The following EXOC2 variants were observed in gnomAD, a reference collection of about 807,000 sequenced individuals.
EXOC2 encodes the protein exocyst complex component 2.
Under a neutral mutation model 131.8 loss-of-function variants are expected in EXOC2, and 70 were observed. That is an observed-to-expected ratio of 0.53 (90% CI 0.44 to 0.65). The LOEUF is 0.65. Ranked by LOEUF, EXOC2 falls within the 30% of genes least tolerant of loss-of-function variation. EXOC2 has a pLI of 0.00. For missense variants in EXOC2, 923 were observed against 1,108.6 expected, an observed-to-expected ratio of 0.83 and a Z score of 2.38; for synonymous variants, 411 against 398.4, an observed-to-expected ratio of 1.03 and a Z score of -0.38.
chr6:523,984 A>G (rs1765616189), intron 23 of EXOC2, among the ~76,000 whole-genome samples: 1 of 152,240 alleles, frequency 6.6e-6, no homozygotes, highest in Admixed American at 6.5e-5. Flanking sequence ...CTAAGACATT[A>G]CAATATATCT....
At chr6:663,255 A>G (rs1377893362) in intron 1 of EXOC2, among the ~76,000 whole-genome samples, 1 of 152,200 alleles carries the variant, frequency 6.6e-6, no homozygotes, top group African/African-American at 2.4e-5. Context: ...GAAGAAATAG[A>G]CACCCCGAAC....
At chr6:652,318 G>T (rs966501142) in intron 1 of EXOC2, among the ~76,000 whole-genome samples, 5 of 152,132 alleles carry the variant, frequency 3.3e-5, no homozygotes, top group African/African-American at 1.2e-4. Flanking sequence ...TAAGCCAGAG[G>T]GTTCAAGCGA....
chr6:606,418 A>G (rs375317341), intron 7 of EXOC2, among the ~76,000 whole-genome samples: 19 of 152,314 alleles, frequency 1.2e-4, no homozygotes, highest in African/African-American at 4.3e-4. Context: ...AAGTATAATA[A>G]TAAAAAAAAG....
intron 1 of EXOC2, among the ~76,000 whole-genome samples, chr6:673,208 G>A (rs1037900114): frequency 5.4e-5 from 7 of 130,590 alleles, no homozygotes; most frequent in Admixed American, 9.0e-5. Context: ...GCAAGATCGC[G>A]CCATTGCACT....
intron 10 of EXOC2, among the ~76,000 whole-genome samples, chr6:592,855 G>A (rs145457332): frequency 1.6e-4 from 25 of 151,898 alleles, no homozygotes; most frequent in African/African-American, 2.9e-4. Context: ...CTGAAACCCC[G>A]TCGCTACTAA....
At chr6:505,495 A>G (rs912565993) in intron 23 of EXOC2, among the ~76,000 whole-genome samples, 1 of 152,166 alleles carries the variant, frequency 6.6e-6, no homozygotes, top group African/African-American at 2.4e-5. Flanking sequence ...TGTAAAACAG[A>G]GACAACATTT....
At chr6:491,084 A>C in intron 26 of EXOC2, 41 bp downstream of exon 26, 4 of 1,602,926 alleles carry the variant, frequency 2.5e-6, no homozygotes, top group Non-Finnish European at 3.4e-6. Flanking sequence ...GACAACCTTT[A>C]TTTTTAATAG....
At chr6:539,314 G>A (rs1283867041) in intron 22 of EXOC2, among the ~76,000 whole-genome samples, 9 of 152,196 alleles carry the variant, frequency 5.9e-5, no homozygotes, top group African/African-American at 2.2e-4. Flanking sequence ...TGGTGTAATG[G>A]ACAATACTCC....
intron 25 of EXOC2, 103 bp from the exon 26 acceptor site, chr6:491,289 G>C: frequency 1.7e-6 from 2 of 1,204,048 alleles, no homozygotes; most frequent in Non-Finnish European, 2.4e-6. Context: ...CGTAGGATGG[G>C]GTTGGCGTAA....
intron 23 of EXOC2, among the ~76,000 whole-genome samples, chr6:500,089 T>C (rs1219735707): frequency 1.3e-5 from 2 of 151,624 alleles, no homozygotes; most frequent in Non-Finnish European, 2.9e-5. Context: ...CGGTAAAACA[T>C]ATATACTGTA....
intron 1 of EXOC2, among the ~76,000 whole-genome samples, chr6:645,917 A>C (rs1762560414): frequency 6.6e-6 from 1 of 152,240 alleles, no homozygotes; most frequent in Non-Finnish European, 1.5e-5. Context: ...TCAAAAGGCC[A>C]CAGAGCCAGA....
chr6:570,422 C>T (rs569384106), intron 13 of EXOC2, among the ~76,000 whole-genome samples: 12 of 152,170 alleles, frequency 7.9e-5, no homozygotes, highest in Non-Finnish European at 1.6e-4. Flanking sequence ...CATGAGCCAC[C>T]GCGCCTGGCC....
chr6:681,673 C>T (rs1298645117), intron 1 of EXOC2, among the ~76,000 whole-genome samples: 1 of 152,124 alleles, frequency 6.6e-6, no homozygotes, highest in Non-Finnish European at 1.5e-5. Flanking sequence ...TGGGATAGTA[C>T]TGAGAATATA....
chr6:659,781 C>CA (rs1335445670), intron 1 of EXOC2, among the ~76,000 whole-genome samples: 1 of 152,186 alleles, frequency 6.6e-6, no homozygotes, highest in African/African-American at 2.4e-5. Flanking sequence ...GCCTGAGGAG[C>CA]AGGGGGTACA....
At chr6:509,901 T>G (rs1416348079) in intron 23 of EXOC2, among the ~76,000 whole-genome samples, 1 of 152,204 alleles carries the variant, frequency 6.6e-6, no homozygotes, top group Non-Finnish European at 1.5e-5. Flanking sequence ...ACATTTCCTG[T>G]TTTTAACCCC....
In EXOC2 at chr6:544,807, T is replaced by A. The variant is rs568674524; in HGVS notation, c.2238+4368A>T. Reference sequence around the variant, plus strand: ...ACATATAAGAAAAAGGAGCTGCCCCTCCACACCTTTCACGCCGGAGTTTCT... The same window carrying A: ...ACATATAAGAAAAAGGAGCTGCCCCACCACACCTTTCACGCCGGAGTTTCT... On this transcript the variant is annotated intron_variant, in intron 22 of 27. Transcript: ENST00000230449. Among the ~76,000 whole-genome samples the A allele has an allele frequency of 2.0e-5, 3 of 152,284 alleles. No individual in the cohort carries two copies. In the South Asian group the frequency reaches 6.2e-4, roughly 32 times the overall value.
At chr6:654,103 A>G (rs894698259) in intron 1 of EXOC2, among the ~76,000 whole-genome samples, 3 of 152,246 alleles carry the variant, frequency 2.0e-5, no homozygotes, top group African/African-American at 7.2e-5. Flanking sequence ...ATCACTGTTC[A>G]TTAACAATGC....
chr6:491,324 T>A (rs1763422258), intron 25 of EXOC2, 138 bp from the exon 26 acceptor site: 1 of 760,682 alleles, frequency 1.3e-6, no homozygotes. Context: ...CCGCCAGTCA[T>A]GAGTAGAGTT....
At chr6:667,068 G>A (rs1056294580) in intron 1 of EXOC2, among the ~76,000 whole-genome samples, 2 of 96,456 alleles carry the variant, frequency 2.1e-5, no homozygotes, top group African/African-American at 3.1e-5. Context: ...TATAATCACC[G>A]TAAGTTTTGT....
Sources: allele counts gnomAD v4.1 joint callset (sites outside exome capture counted in the v4.1 genomes callset), GRCh38; gene constraint gnomAD v4.1.1; transcripts MANE v1.5; gene names NCBI Gene and HGNC (gene_info 2026-07-23, HGNC 2026-07-21).